The following GLI3 variants were observed in gnomAD, a reference collection of about 807,000 sequenced individuals.
GLI3 encodes the protein GLI family zinc finger 3, also known as transcription activator GLI3.
A neutral mutation model predicts 100.8 loss-of-function variants in GLI3; 20 were observed. The ratio of observed to expected loss-of-function variants is 0.20; its 90% CI spans 0.14 to 0.29. GLI3 has a LOEUF of 0.29. Ranked by LOEUF, GLI3 falls within the 10% of genes least tolerant of loss-of-function variation. The pLI is 1.00. For missense variants in GLI3, 2,040 were observed against 2,128.5 expected, an observed-to-expected ratio of 0.96 and a Z score of 0.82; for synonymous variants, 938 against 860.5, an observed-to-expected ratio of 1.09 and a Z score of -1.58.
intron 2 of GLI3, among the ~76,000 whole-genome samples, chr7:42,219,291 TAAC>T (rs2128701162): frequency 6.6e-6 from 1 of 152,318 alleles, no homozygotes; most frequent in South Asian, 2.1e-4. Context: ...ACTTCAAATA[TAAC>T]AATAAAATTT....
chr7:41,988,477 G>T (rs1228996885), intron 10 of GLI3, among the ~76,000 whole-genome samples: 1 of 66,376 alleles, frequency 1.5e-5, no homozygotes, highest in Non-Finnish European at 2.6e-5. Flanking sequence ...AAAAAAAAGG[G>T]GGGGGGGGTG....
At chr7:42,093,044 C>T (rs1475002170) in intron 3 of GLI3, among the ~76,000 whole-genome samples, 1 of 151,928 alleles carries the variant, frequency 6.6e-6, no homozygotes, top group Non-Finnish European at 1.5e-5. Flanking sequence ...AAACTTCTGA[C>T]CTCAGGTGAT....
In GLI3 at chr7:41,977,593, G is replaced by A; in HGVS notation, c.1777C>T (p.Arg593Cys). The change falls in exon 12 of 15, where the codon CGC (arginine) becomes TGC (cysteine). Residue 593 changes from arginine (R) to cysteine (C), a missense_variant. Arg to Cys is a radical substitution (Grantham distance 180). Around this residue, in one of 5 missense-constraint regions of GLI3, gnomAD observed 61 missense variants for 150.9 expected, o/e 0.40. Coordinates refer to ENST00000395925, the MANE Select transcript of GLI3 (RefSeq NM_000168.6). ...TGCGTTCTGTTTTGGTGTTTGGCGC[G>A]ATCAGAGGCATTTGAGAAAGCCTTG... The part of the protein sequence containing the change: ...CNKAFSNASD[R>C]AKHQNRTHSN... 6.2e-7 allele frequency: 1 copy of A among 1,614,174 alleles called. No homozygotes were observed. Among genetic ancestry groups the A allele is most frequent in the Non-Finnish European group, 8.5e-7 (1 of 1,180,028 alleles).
intron 4 of GLI3, among the ~76,000 whole-genome samples, chr7:42,076,320 T>TA (rs1167625254): frequency 3.9e-5 from 6 of 152,232 alleles, no homozygotes; most frequent in Non-Finnish European, 7.3e-5. Context: ...TGTACTTACA[T>TA]AGGGGCTATG....
At chr7:42,120,994 C>A (rs769101810) in intron 3 of GLI3, among the ~76,000 whole-genome samples, 1 of 152,148 alleles carries the variant, frequency 6.6e-6, no homozygotes, top group Non-Finnish European at 1.5e-5. Context: ...AACAAACCAC[C>A]ACCAAAAAGA....
At chr7:42,175,204 T>C (rs912723774) in intron 2 of GLI3, among the ~76,000 whole-genome samples, 1 of 152,188 alleles carries the variant, frequency 6.6e-6, no homozygotes, top group Non-Finnish European at 1.5e-5. Context: ...TCACCATTGA[T>C]GCTAGCATGA....
intron 10 of GLI3, among the ~76,000 whole-genome samples, chr7:41,993,345 C>T (rs1417438588): frequency 1.3e-5 from 2 of 152,124 alleles, no homozygotes; most frequent in African/African-American, 4.8e-5. Context: ...GATAACTTGA[C>T]CTCTGGCAGT....
chr7:42,208,014 C>T (rs144201328), intron 2 of GLI3, among the ~76,000 whole-genome samples: 23 of 152,166 alleles, frequency 1.5e-4, no homozygotes, highest in African/African-American at 4.8e-4. Context: ...CAAAAATTAG[C>T]GAGGCGTGGT....
intron 2 of GLI3, among the ~76,000 whole-genome samples, chr7:42,170,858 T>C (rs1466695948): frequency 6.6e-6 from 1 of 152,114 alleles, no homozygotes; most frequent in Non-Finnish European, 1.5e-5. Context: ...GGGAAGGAGG[T>C]ATTAGACATT....
At chr7:42,125,991 A>G (rs965202159) in intron 3 of GLI3, among the ~76,000 whole-genome samples, 5 of 152,222 alleles carry the variant, frequency 3.3e-5, no homozygotes, top group South Asian at 2.1e-4. Flanking sequence ...TTGGGGCTTG[A>G]AAAAACAGCA....
upstream of GLI3, among the ~76,000 whole-genome samples, chr7:42,238,647 G>C (rs565342482): frequency 8.5e-5 from 13 of 152,250 alleles, no homozygotes; most frequent in Non-Finnish European, 1.5e-4. Context: ...CATTTTCAGA[G>C]GCCCATGCTA....
chr7:42,103,705 C>T (rs994958395), intron 3 of GLI3, among the ~76,000 whole-genome samples: 14 of 151,596 alleles, frequency 9.2e-5, no homozygotes, highest in South Asian at 2.1e-4. Flanking sequence ...TTCTCAGCTG[C>T]GAACACTGAG....
intron 6 of GLI3, among the ~76,000 whole-genome samples, chr7:42,042,435 A>G (rs539077512): frequency 4.6e-5 from 7 of 152,314 alleles, no homozygotes; most frequent in East Asian, 1.9e-4. Context: ...AAGTTTTTCA[A>G]TGAGGAAATA....
intron 10 of GLI3, among the ~76,000 whole-genome samples, chr7:42,012,102 C>T (rs370315271): frequency 7.6e-4 from 115 of 152,178 alleles, no homozygotes; most frequent in African/African-American, 2.6e-3. Flanking sequence ...ATATAAATTA[C>T]GGCCAGGGGA....
chr7:42,126,768 C>T (rs1786143180), intron 3 of GLI3, among the ~76,000 whole-genome samples: 1 of 152,198 alleles, frequency 6.6e-6, no homozygotes, highest in South Asian at 2.1e-4. Flanking sequence ...CCTCACTTGA[C>T]ATAGACCAGC....
At chr7:42,039,864 T>C (rs1040238789) in intron 7 of GLI3, among the ~76,000 whole-genome samples, 174 bp downstream of exon 7, 1 of 152,196 alleles carries the variant, frequency 6.6e-6, no homozygotes, top group Non-Finnish European at 1.5e-5. Context: ...TGGGGCCCAA[T>C]AACTGGTTTT....
intron 2 of GLI3, among the ~76,000 whole-genome samples, chr7:42,209,706 T>C (rs926170959): frequency 1.3e-5 from 2 of 152,132 alleles, no homozygotes; most frequent in Non-Finnish European, 2.9e-5. Context: ...ATCTTTTGAA[T>C]TCTTAATGTG....
chr7:42,179,064 T>A (rs1354748227), intron 2 of GLI3, among the ~76,000 whole-genome samples: 1 of 152,106 alleles, frequency 6.6e-6, no homozygotes, highest in Admixed American at 6.5e-5. Flanking sequence ...TCCCATGTGT[T>A]GTGGGAGGGA....
intron 3 of GLI3, among the ~76,000 whole-genome samples, chr7:42,114,327 G>A (rs1482247726): frequency 6.6e-6 from 1 of 152,178 alleles, no homozygotes; most frequent in Admixed American, 6.5e-5. Context: ...ATAGAAGAAG[G>A]GAGTTTGAAA....
Sources: allele counts gnomAD v4.1 joint callset (sites outside exome capture counted in the v4.1 genomes callset), GRCh38; gene constraint gnomAD v4.1.1; regional missense constraint gnomAD v4.1.1; transcripts MANE v1.5; gene names NCBI Gene and HGNC (gene_info 2026-07-23, HGNC 2026-07-21).